PLXDC2: variants seen among roughly 807,000 people sequenced by gnomAD.
PLXDC2 encodes the protein plexin domain containing 2.
In PLXDC2, 40 loss-of-function variants were observed where a neutral mutation model predicts 68.9. The ratio of observed to expected loss-of-function variants is 0.58; its 90% CI spans 0.45 to 0.76. The LOEUF is 0.76. Among genes scored for constraint, PLXDC2 ranks in the 30% least tolerant of loss-of-function variants. PLXDC2 has a pLI of 0.00. For synonymous variants in PLXDC2, 243 were observed against 234.2 expected (o/e 1.04, Z -0.34); for missense variants, 644 against 661.9 (o/e 0.97, Z 0.30).
intron 4 of PLXDC2, among the ~76,000 whole-genome samples, chr10:20,091,985 A>T (rs1400302065): frequency 6.6e-6 from 1 of 152,214 alleles, no homozygotes; most frequent in Non-Finnish European, 1.5e-5. Flanking sequence ...ATACATATTC[A>T]CTGGATAAAT....
chr10:20,049,008 T>G (rs1835846436), intron 3 of PLXDC2, among the ~76,000 whole-genome samples: 1 of 152,270 alleles, frequency 6.6e-6, no homozygotes, highest in East Asian at 1.9e-4. Flanking sequence ...TTATGTTGAT[T>G]GTTAAATATA....
At chr10:19,895,512 G>T (rs1458285398) in intron 1 of PLXDC2, among the ~76,000 whole-genome samples, 1 of 151,568 alleles carries the variant, frequency 6.6e-6, no homozygotes, top group African/African-American at 2.4e-5. Context: ...CATTTCCTTG[G>T]GTAACAAATA....
chr10:19,917,710 A>G (rs1466319493), intron 1 of PLXDC2, among the ~76,000 whole-genome samples: 2 of 152,198 alleles, frequency 1.3e-5, no homozygotes, highest in Non-Finnish European at 2.9e-5. Context: ...TAATTCTCCA[A>G]AAGTCCATGA....
At chr10:20,036,276 A>G (rs1835575393) in intron 2 of PLXDC2, among the ~76,000 whole-genome samples, 1 of 152,172 alleles carries the variant, frequency 6.6e-6, no homozygotes, top group African/African-American at 2.4e-5. Context: ...TAATCCCATT[A>G]GATTTGTGTT....
At chr10:19,846,721 G>A (rs143431067) in intron 1 of PLXDC2, among the ~76,000 whole-genome samples, 2 of 152,246 alleles carry the variant, frequency 1.3e-5, no homozygotes, top group East Asian at 3.9e-4. Flanking sequence ...GGACAGTCTC[G>A]TGGGCCAAGA....
chr10:20,004,190 T>C (rs1476812791), intron 2 of PLXDC2, among the ~76,000 whole-genome samples: 3 of 152,212 alleles, frequency 2.0e-5, no homozygotes, highest in African/African-American at 7.2e-5. Context: ...ATCTGAAGTA[T>C]AGGCTGTGGG....
intron 10 of PLXDC2, among the ~76,000 whole-genome samples, chr10:20,213,895 T>A (rs1435512816): frequency 6.6e-6 from 1 of 152,130 alleles, no homozygotes; most frequent in Non-Finnish European, 1.5e-5. Flanking sequence ...AGCTTGCCAT[T>A]TTCATCTTTT....
chr10:20,243,559 T>A (rs1418519898), intron 12 of PLXDC2, among the ~76,000 whole-genome samples: 2 of 152,114 alleles, frequency 1.3e-5, no homozygotes, highest in African/African-American at 4.8e-5. Context: ...GTGGAAAGAA[T>A]TAGGAGGTCA....
intron 1 of PLXDC2, among the ~76,000 whole-genome samples, chr10:19,985,335 A>G (rs570095020): frequency 6.6e-6 from 1 of 152,328 alleles, no homozygotes; most frequent in East Asian, 1.9e-4. Flanking sequence ...TGGGGATAGA[A>G]CAAATCAGGT....
chr10:20,198,785 A>G (rs1834876532), intron 9 of PLXDC2, among the ~76,000 whole-genome samples: 2 of 152,118 alleles, frequency 1.3e-5, no homozygotes, highest in South Asian at 2.1e-4. Flanking sequence ...TTGATTTATC[A>G]TTTTACTTTG....
chr10:20,002,959 G>C (rs560563860), intron 2 of PLXDC2, among the ~76,000 whole-genome samples: 4 of 152,266 alleles, frequency 2.6e-5, no homozygotes, highest in African/African-American at 9.6e-5. Context: ...GACAAACTGG[G>C]ATGATTGGTC....
At chr10:20,069,860 A>G (rs1294621234) in intron 4 of PLXDC2, among the ~76,000 whole-genome samples, 1 of 152,122 alleles carries the variant, frequency 6.6e-6, no homozygotes, top group Non-Finnish European at 1.5e-5. Flanking sequence ...AACCAGAAAA[A>G]GAAAATACAA....
intron 1 of PLXDC2, among the ~76,000 whole-genome samples, chr10:19,950,190 A>G (rs1833968791): frequency 6.6e-6 from 1 of 152,218 alleles, no homozygotes; most frequent in African/African-American, 2.4e-5. Context: ...AGAAAGAAAT[A>G]AAAGGCATCC....
intron 1 of PLXDC2, among the ~76,000 whole-genome samples, chr10:19,928,336 T>C (rs1448724001): frequency 6.6e-6 from 1 of 152,174 alleles, no homozygotes; most frequent in Non-Finnish European, 1.5e-5. Context: ...TGTGAAAGAC[T>C]TTAGGTCTGG....
chr10:19,958,110 CT>C (rs1404434380), intron 1 of PLXDC2, among the ~76,000 whole-genome samples: 2 of 151,832 alleles, frequency 1.3e-5, no homozygotes, highest in Non-Finnish European at 2.9e-5. Flanking sequence ...AACACCTGTT[CT>C]TCTTAAATGA....
intron 12 of PLXDC2, among the ~76,000 whole-genome samples, chr10:20,231,694 AT>A (rs569655723): frequency 2.8e-4 from 43 of 152,096 alleles, no homozygotes; most frequent in Non-Finnish European, 4.7e-4. Context: ...AAGAAGATGG[AT>A]TTTTTTAAAA....
At chr10:20,174,574 G>C (rs967036265) in intron 7 of PLXDC2, among the ~76,000 whole-genome samples, 1 of 151,968 alleles carries the variant, frequency 6.6e-6, no homozygotes, top group Non-Finnish European at 1.5e-5. Flanking sequence ...GCAGTATAAT[G>C]TCATGATGAG....
At chr10:19,884,447 C>T (rs954384098) in intron 1 of PLXDC2, among the ~76,000 whole-genome samples, 2 of 152,006 alleles carry the variant, frequency 1.3e-5, no homozygotes, top group African/African-American at 2.4e-5. Flanking sequence ...TGGTGCGCTG[C>T]ACCCACTAAC....
At chr10:20,158,550 C>T (rs560534108) in intron 6 of PLXDC2, among the ~76,000 whole-genome samples, 3,594 of 140,496 alleles carry the variant, frequency 0.026, 55 homozygotes, top group South Asian at 0.077. Context: ...AGCAAGCAAG[C>T]TACTCGGGAG....
Sources: gnomAD v4.1 joint callset for allele counts (sites outside exome capture counted in the v4.1 genomes callset) on GRCh38, gnomAD v4.1.1 for gene constraint, MANE v1.5 for transcripts, NCBI Gene and HGNC (gene_info 2026-07-23, HGNC 2026-07-21) for gene names.